The following EXOC4 variants were observed in gnomAD, a reference collection of about 807,000 sequenced individuals.
EXOC4 encodes exocyst complex component 4.
EXOC4 carries 71 observed loss-of-function variants against 107.2 expected under a neutral mutation model. That is an observed-to-expected ratio of 0.66 (90% confidence interval 0.55 to 0.81). The LOEUF (loss-of-function observed/expected upper bound fraction) is 0.81, where lower values mean the gene tolerates loss of function less well. EXOC4 is among the 30% of genes least tolerant of loss of function. The probability of loss-of-function intolerance (pLI) is 0.00; values close to 1 mark genes in which losing one functional copy is unlikely to be tolerated. For missense variants in EXOC4, 1,108 were observed against 1,189.6 expected (o/e 0.93, Z 1.01); for synonymous variants, 456 against 441.2 (o/e 1.03, Z -0.42).
chr7:133,523,999 G>A (rs1247176171), intron 9 of EXOC4, among the ~76,000 whole-genome samples: 2 of 149,424 alleles, frequency 1.3e-5, no homozygotes, highest in African/African-American at 5.0e-5. Flanking sequence ...TCTAGTTCTA[G>A]ATCCCTGAGG....
intron 9 of EXOC4, among the ~76,000 whole-genome samples, chr7:133,512,013 G>A (rs1001245079): frequency 2.6e-5 from 4 of 152,288 alleles, no homozygotes; most frequent in East Asian, 1.9e-4. Flanking sequence ...TTCAGATGTC[G>A]ATGAGACAAA....
chr7:133,758,814 T>C (rs2151148241), intron 10 of EXOC4, among the ~76,000 whole-genome samples: 1 of 152,320 alleles, frequency 6.6e-6, no homozygotes, highest in Non-Finnish European at 1.5e-5. Flanking sequence ...TACTAAGATA[T>C]AGCTCTTCCC....
intron 17 of EXOC4, among the ~76,000 whole-genome samples, chr7:134,045,739 C>T (rs185455352): frequency 1.3e-5 from 2 of 152,192 alleles, no homozygotes; most frequent in Admixed American, 6.5e-5. Flanking sequence ...TTCATCACCC[C>T]GAAAGGAAAC....
At chr7:133,807,488 CAG>C (rs1797106535) in intron 10 of EXOC4, among the ~76,000 whole-genome samples, 1 of 151,944 alleles carries the variant, frequency 6.6e-6, no homozygotes, top group African/African-American at 2.4e-5. Context: ...GCACCTAAAA[CAG>C]AGTATATTTA....
chr7:133,434,536 A>G (rs930918047), intron 7 of EXOC4, among the ~76,000 whole-genome samples: 1 of 152,200 alleles, frequency 6.6e-6, no homozygotes, highest in Non-Finnish European at 1.5e-5. Context: ...TGCAAACTGT[A>G]AAGTAATGGT....
chr7:133,277,924 AT>A (rs1220663372), intron 2 of EXOC4, among the ~76,000 whole-genome samples: 5 of 152,152 alleles, frequency 3.3e-5, no homozygotes, highest in Middle Eastern at 3.4e-3. Flanking sequence ...ATAGGTGTGT[AT>A]TTTTTTTAAA....
chr7:134,064,505 G>A lies in EXOC4; in HGVS notation c.2902G>A (p.Asp968Asn). The A allele has an allele frequency of 6.2e-7, 1 of 1,603,922 alleles. No homozygotes were observed. Among genetic ancestry groups the A allele is most frequent in the Non-Finnish European group, 8.5e-7 (1 of 1,174,980 alleles). Reference protein sequence around the residue: ...EQAAIKQATKDKKITTV With the variant: ...EQAAIKQATKNKKITTV Reference sequence around the variant, plus strand: ...GGCTGCCATCAAGCAAGCCACCAAGGACAAGAAGATAACTACCGTTTAGCA... The same window carrying A: ...GGCTGCCATCAAGCAAGCCACCAAGAACAAGAAGATAACTACCGTTTAGCA... Residue 968 changes from aspartate to asparagine, a missense_variant, in exon 18 of 18, where the codon GAC becomes AAC. Coordinates refer to ENST00000253861, the MANE Select transcript of EXOC4 (RefSeq NM_021807.4).
intron 10 of EXOC4, among the ~76,000 whole-genome samples, chr7:133,747,383 T>C (rs541216434): frequency 1.3e-5 from 2 of 152,266 alleles, no homozygotes; most frequent in East Asian, 3.9e-4. Context: ...GAATAAATGG[T>C]ACAGGTTGAA....
At chr7:133,693,041 C>T (rs1445966957) in intron 10 of EXOC4, among the ~76,000 whole-genome samples, 1 of 152,040 alleles carries the variant, frequency 6.6e-6, no homozygotes, top group Non-Finnish European at 1.5e-5. Flanking sequence ...AGGGACAGAA[C>T]TGATAGGATA....
At chr7:133,974,229 A>C (rs765521425) in intron 14 of EXOC4, among the ~76,000 whole-genome samples, 3 of 152,230 alleles carry the variant, frequency 2.0e-5, no homozygotes, top group Non-Finnish European at 4.4e-5. Context: ...AACGGGCATC[A>C]AAAGTGTTTC....
chr7:133,833,828 A>G (rs74451980), intron 11 of EXOC4, among the ~76,000 whole-genome samples: 5,810 of 152,188 alleles, frequency 0.038, 378 homozygotes, highest in African/African-American at 0.13. Flanking sequence ...GCCTCCCAAC[A>G]TGTTGGATTT....
At chr7:133,809,439 A>T (rs2151204769) in intron 10 of EXOC4, among the ~76,000 whole-genome samples, 1 of 152,338 alleles carries the variant, frequency 6.6e-6, no homozygotes, top group East Asian at 1.9e-4. Context: ...TTGGACTAAA[A>T]TGGAGATGAA....
chr7:133,839,093 A>T (rs1462909899), intron 11 of EXOC4, among the ~76,000 whole-genome samples: 1 of 152,356 alleles, frequency 6.6e-6, no homozygotes, highest in African/African-American at 2.4e-5. Flanking sequence ...AAGTCAATTA[A>T]CAAGATACCT....
At chr7:133,478,089 A>G in intron 8 of EXOC4, among the ~76,000 whole-genome samples, 1 of 151,866 alleles carries the variant, frequency 6.6e-6, no homozygotes, top group Non-Finnish European at 1.5e-5. Flanking sequence ...GGCAACTGAC[A>G]CTGTCTCAGA....
At chr7:133,719,230 C>T (rs762770751) in intron 10 of EXOC4, among the ~76,000 whole-genome samples, 30 of 152,280 alleles carry the variant, frequency 2.0e-4, no homozygotes, top group Non-Finnish European at 3.8e-4. Flanking sequence ...GTGACTTGCT[C>T]CTCCTTGCCT....
intron 5 of EXOC4, among the ~76,000 whole-genome samples, chr7:133,338,617 AAAAAAAT>A (rs1211752103): frequency 5.3e-5 from 8 of 149,560 alleles, no homozygotes; most frequent in Middle Eastern, 3.3e-3. Flanking sequence ...AAAAAAAAAA[AAAAAAAT>A]TTTTATTTCA....
chr7:133,815,520 C>A (rs1029118441), intron 10 of EXOC4, among the ~76,000 whole-genome samples: 1 of 151,970 alleles, frequency 6.6e-6, no homozygotes, highest in East Asian at 1.9e-4. Flanking sequence ...TTGTTAAAAT[C>A]TTATCAAGAG....
chr7:133,379,261 A>G (rs1352294423), intron 7 of EXOC4, among the ~76,000 whole-genome samples: 1 of 152,068 alleles, frequency 6.6e-6, no homozygotes, highest in Non-Finnish European at 1.5e-5. Context: ...TTGCCCCTCC[A>G]GTAGAGAAAC....
chr7:133,757,591 G>A (rs1174912195), intron 10 of EXOC4, among the ~76,000 whole-genome samples: 2 of 152,238 alleles, frequency 1.3e-5, no homozygotes. Context: ...TAATCCCACA[G>A]TGGGATATCT....
Sources: gnomAD v4.1 joint callset for allele counts (sites outside exome capture counted in the v4.1 genomes callset) on GRCh38, gnomAD v4.1.1 for gene constraint, MANE v1.5 for transcripts, NCBI Gene and HGNC (gene_info 2026-07-23, HGNC 2026-07-21) for gene names.